The following MYCBP2 variants were observed in gnomAD, a reference collection of about 807,000 sequenced individuals.
MYCBP2 encodes the protein MYC binding protein 2.
Under a neutral mutation model 525.3 loss-of-function variants are expected in MYCBP2, and 120 were observed. The ratio of observed to expected loss-of-function variants is 0.23; its 90% CI spans 0.20 to 0.27. The LOEUF (loss-of-function observed/expected upper bound fraction) is 0.27. MYCBP2 is among the 10% of genes least tolerant of loss of function. MYCBP2 has a pLI of 1.00. For synonymous variants in MYCBP2, 1,894 were observed against 1,955.8 expected, an observed-to-expected ratio of 0.97 and a Z score of 0.83; for missense variants, 4,149 against 5,657.1, an observed-to-expected ratio of 0.73 and a Z score of 8.55.
At chr13:77,088,737 A>G in intron 61 of MYCBP2, 95 bp downstream of exon 61, 1 of 1,112,922 alleles carries the variant, frequency 9.0e-7, no homozygotes, top group Non-Finnish European at 1.3e-6. Context: ...TTAATTTCAC[A>G]CAATTTCTGT....
chr13:77,052,024 C>T lies in MYCBP2; in HGVS notation c.13648-106G>A, dbSNP rs1412444250. 4 of 812,160 alleles carry T rather than the reference C, an allele frequency of 4.9e-6. No individual in the cohort carries two copies. The East Asian group carries it at 8.0e-5, about 16-fold the overall frequency. 50.3% of individuals were successfully genotyped at this position (812,160 alleles called of 1,614,324 possible). On this transcript the variant is annotated intron_variant, in intron 80 of 82. Coordinates refer to ENST00000544440, the MANE Select transcript of MYCBP2 (RefSeq NM_015057.5). ...TAAGATCTAGGGGTTTTAGAAAATA[C>T]CATTATCTACTAGACCATCCCTTGA...
At chr13:77,212,922 C>T (rs983227783) in intron 21 of MYCBP2, among the ~76,000 whole-genome samples, 1 of 152,156 alleles carries the variant, frequency 6.6e-6, no homozygotes, top group African/African-American at 2.4e-5. Context: ...CCTCTCTCCC[C>T]TCACAGCATT....
In MYCBP2 at chr13:77,326,549, C is replaced by A; in HGVS notation, c.227G>T (p.Arg76Leu). The change falls in exon 1 of 83, where the codon CGC (arginine) becomes CTC (leucine). Residue 76 changes from arginine (R) to leucine (L), a missense_variant. By Grantham distance (102) the Arg-to-Leu change is moderately radical. Transcript: ENST00000544440. The surrounding 1 kb of genome is among the most constrained non-coding windows in gnomAD (Gnocchi z 4.2). ...CGCAGCGGTATAAATCCTCCGGTAG[C>A]GGTCGGCCAGGGCCCGGCCTGACAG... ...LLLSGRALAD[R>L]YRRIYTAALN... The A allele has an allele frequency of 6.3e-7, 1 of 1,597,146 alleles. No individual in the cohort carries two copies. The highest frequency in any genetic ancestry group is 1.1e-5 in the South Asian group (1 of 90,330).
At chr13:77,183,186 C>A (rs2060375960) in intron 32 of MYCBP2, among the ~76,000 whole-genome samples, 1 of 152,098 alleles carries the variant, frequency 6.6e-6, no homozygotes, top group African/African-American at 2.4e-5. Flanking sequence ...GAGTGATATT[C>A]ATCTGTAATT....
chr13:77,204,833 G>A (rs2063116871), intron 26 of MYCBP2, among the ~76,000 whole-genome samples: 1 of 133,986 alleles, frequency 7.5e-6, no homozygotes, highest in Non-Finnish European at 1.6e-5. Flanking sequence ...TCACTCATAG[G>A]TGGGAATTGA....
chr13:77,141,425 G>A (rs920490231), intron 49 of MYCBP2, among the ~76,000 whole-genome samples: 1 of 152,022 alleles, frequency 6.6e-6, no homozygotes, highest in Non-Finnish European at 1.5e-5. Context: ...TATAAAATGG[G>A]AAAAATAACA....
chr13:77,049,277 A>C (rs1029896633), intron 82 of MYCBP2, among the ~76,000 whole-genome samples: 2 of 152,086 alleles, frequency 1.3e-5, no homozygotes, highest in Non-Finnish European at 2.9e-5. Context: ...TGCTTCTTTC[A>C]AAGCCTGCTA....
Position 77,288,203 on chromosome 13 carries a change from A to C in MYCBP2, c.552T>G (p.Asp184Glu). ...GGGGCTCTTTGGATTCCTCTTCTTC[A>C]TCACTATCTGATTCTCCACTCTGCA... ...NSVQSGESDSDEEEESKEPPI... is the reference protein window; with the variant it reads ...NSVQSGESDSEEEEESKEPPI... The change falls in exon 3 of 83, where the codon GAT becomes GAG. Residue 184 changes from aspartate (D) to glutamate (E), a missense_variant. By Grantham distance (45) the Asp-to-Glu change is conservative. Transcript: ENST00000544440. 1.2e-6 allele frequency: 2 copies of C among 1,614,188 alleles called. No homozygotes were observed. The highest frequency in any genetic ancestry group is 1.7e-6 in the Non-Finnish European group (2 of 1,180,018).
chr13:77,110,468 C>T (rs2048629392), intron 55 of MYCBP2, among the ~76,000 whole-genome samples: 1 of 152,170 alleles, frequency 6.6e-6, no homozygotes, highest in Admixed American at 6.5e-5. Context: ...CACAGCTGAA[C>T]ATAGACCCTC....
chr13:77,088,037 G>C (rs575057811), intron 61 of MYCBP2, among the ~76,000 whole-genome samples: 1 of 151,726 alleles, frequency 6.6e-6, no homozygotes, highest in African/African-American at 2.4e-5. Context: ...TCCCTCCTCC[G>C]CCTCCCAAAG....
At chr13:77,083,434 T>C (rs1229057752) in intron 62 of MYCBP2, among the ~76,000 whole-genome samples, 1 of 152,158 alleles carries the variant, frequency 6.6e-6, no homozygotes, top group African/African-American at 2.4e-5. Context: ...TCAATTCTAG[T>C]GTACTCACAA....
At chr13:77,059,662 G>A in intron 76 of MYCBP2, 36 bp from the exon 77 acceptor site, 2 of 1,474,216 alleles carry the variant, frequency 1.4e-6, no homozygotes, top group South Asian at 2.3e-5. Context: ...TCCTTCTTAT[G>A]GATGTTTTCT....
intron 52 of MYCBP2, 53 bp downstream of exon 52, chr13:77,139,143 G>T: frequency 1.9e-6 from 3 of 1,564,332 alleles, no homozygotes; most frequent in Middle Eastern, 1.7e-4. Context: ...AGAAAGCTCT[G>T]TAAAACAAAC....
Position 77,098,063 on chromosome 13 carries a change from C to A in MYCBP2, c.9091G>T (p.Ala3031Ser). 6.2e-7 allele frequency: 1 copy of A among 1,613,492 alleles called. No homozygotes were observed. Among genetic ancestry groups the A allele is most frequent in the Non-Finnish European group, 8.5e-7 (1 of 1,179,732 alleles). The change falls in exon 56 of 83, where the codon GCC becomes TCC. Residue 3031 changes from alanine (A) to serine (S), a missense_variant. Around this residue, in one of 21 missense-constraint regions of MYCBP2, gnomAD observed 653 missense variants for 744.7 expected, o/e 0.88. Transcript: ENST00000544440. Reference protein sequence around the residue: ...QAMSPSVAECARAVFASFLWH... With the variant: ...QAMSPSVAECSRAVFASFLWH... ...AGGAAGGAAGCAAACACAGCTCTGG[C>A]ACATTCGGCCACAGAAGGAGACATG...
At position 77,105,022 on chromosome 13, in the gene MYCBP2, A is replaced by G. The variant is rs75913481; in HGVS notation, c.8141-6009T>C. ...AGGAGTTTGCAGCTATTGTTAAAATATCAGTTAGGAGGGTGATACAATTCT... is the reference window on the plus strand; with the variant it reads ...AGGAGTTTGCAGCTATTGTTAAAATGTCAGTTAGGAGGGTGATACAATTCT... On this transcript the variant is annotated intron_variant, in intron 55 of 82. Coordinates refer to ENST00000544440, the MANE Select transcript of MYCBP2 (RefSeq NM_015057.5). Among the ~76,000 whole-genome samples, 592 of 152,246 alleles carry G rather than the reference A, an allele frequency of 3.9e-3. 5 individuals are homozygous for G. Among genetic ancestry groups the G allele is most frequent in the African/African-American group, 0.014 (565 of 41,574 alleles).
At chr13:77,307,866 G>C (rs889846374) in intron 1 of MYCBP2, among the ~76,000 whole-genome samples, 12 of 151,970 alleles carry the variant, frequency 7.9e-5, no homozygotes, top group African/African-American at 2.9e-4. Context: ...CTCTACTTTA[G>C]TGTTCCTTCT....
At chr13:77,257,623 T>G (rs2072481179) in intron 14 of MYCBP2, 48 bp downstream of exon 14, 1 of 1,471,854 alleles carries the variant, frequency 6.8e-7, no homozygotes, top group African/African-American at 1.4e-5. Context: ...TCTGAAAAAC[T>G]AATGAAAAGA....
chr13:77,259,983 T>C (rs2072977405), intron 13 of MYCBP2, among the ~76,000 whole-genome samples: 1 of 152,218 alleles, frequency 6.6e-6, no homozygotes, highest in African/African-American at 2.4e-5. Context: ...GACCCTACAA[T>C]GTGCCAGACA....
At chr13:77,146,977 G>A (rs746291525) in intron 47 of MYCBP2, among the ~76,000 whole-genome samples, 7 of 152,044 alleles carry the variant, frequency 4.6e-5, no homozygotes, top group Non-Finnish European at 7.4e-5. Flanking sequence ...TATAATAAGC[G>A]TCCATCAATG....
Sources: gnomAD v4.1 joint callset for allele counts (sites outside exome capture counted in the v4.1 genomes callset) on GRCh38, gnomAD v4.1.1 for gene constraint, gnomAD v4.1.1 regional missense constraint, Gnocchi (gnomAD v3.1) non-coding constraint, MANE v1.5 for transcripts, NCBI Gene and HGNC (gene_info 2026-07-23, HGNC 2026-07-21) for gene names.